Variants in TMTC1 observed in about 807,000 individuals in gnomAD.
TMTC1 encodes the protein transmembrane O-mannosyltransferase targeting cadherins 1, also known as protein O-mannosyl-transferase TMTC1.
In TMTC1, 73 loss-of-function variants were observed where a neutral mutation model predicts 104.8. The observed-to-expected ratio is 0.70, with a 90% confidence interval of 0.58 to 0.85. TMTC1 has a LOEUF of 0.85. Among genes scored for constraint, TMTC1 ranks in the 40% least tolerant of loss-of-function variants. The probability of loss-of-function intolerance (pLI) is 0.00; values close to 1 mark genes in which losing one functional copy is unlikely to be tolerated. For synonymous variants in TMTC1, 434 were observed against 428.7 expected, an observed-to-expected ratio of 1.01 and a Z score of -0.15; for missense variants, 1,035 against 1,096.1, an observed-to-expected ratio of 0.94 and a Z score of 0.79.
At chr12:29,628,219 C>T (rs866783219) in intron 6 of TMTC1, among the ~76,000 whole-genome samples, 3 of 152,082 alleles carry the variant, frequency 2.0e-5, no homozygotes, top group African/African-American at 7.2e-5. Flanking sequence ...TGAACAGAAG[C>T]GTGACCCTAA....
Position 29,751,658 on chromosome 12 carries a change from C to G in TMTC1, c.938+8G>C. The stretch of plus-strand genomic sequence containing the variant: ...AACATGCAGGGACCAAGAAACCCAG[C>G]CCAGTACCTCATCATGGACCACACA... On this transcript the variant is annotated splice_region_variant and intron_variant, in intron 5 of 17. Transcript: ENST00000539277. The G allele has an allele frequency of 6.2e-7, 1 of 1,614,042 alleles. No individual in the cohort carries two copies. The highest frequency in any genetic ancestry group is 8.5e-7 in the Non-Finnish European group (1 of 1,179,988).
At chr12:29,556,784 A>G (rs1212161248) in intron 10 of TMTC1, 73 bp downstream of exon 10, 5 of 1,589,804 alleles carry the variant, frequency 3.1e-6, no homozygotes, top group Non-Finnish European at 4.3e-6. Flanking sequence ...CAGCACAATC[A>G]AATGAGTGTT....
intron 8 of TMTC1, among the ~76,000 whole-genome samples, chr12:29,578,271 TTC>T (rs942073179): frequency 6.6e-5 from 10 of 152,106 alleles, no homozygotes; most frequent in Admixed American, 3.9e-4. Flanking sequence ...GACCTTTATG[TTC>T]TCTCTGTGAT....
intron 8 of TMTC1, 47 bp downstream of exon 8, chr12:29,583,360 C>T (rs1207282962): frequency 6.4e-7 from 1 of 1,560,244 alleles, no homozygotes; most frequent in Non-Finnish European, 8.7e-7. Context: ...AATTTGTAAG[C>T]AAAGAAATAA....
At chr12:29,679,889 C>T (rs1163837416) in intron 5 of TMTC1, among the ~76,000 whole-genome samples, 1 of 151,978 alleles carries the variant, frequency 6.6e-6, no homozygotes, top group African/African-American at 2.4e-5. Flanking sequence ...AAACATGAAA[C>T]AAATGATCCA....
intron 10 of TMTC1, among the ~76,000 whole-genome samples, chr12:29,540,659 A>C (rs1944769766): frequency 7.1e-6 from 1 of 140,968 alleles, no homozygotes; most frequent in African/African-American, 2.7e-5. Context: ...ACAGAGTAGA[A>C]ATTCAATAAT....
At position 29,604,241 on chromosome 12, in the gene TMTC1, G is replaced by C; in HGVS notation, c.1187C>G (p.Pro396Arg). 6.2e-7 allele frequency: 1 copy of C among 1,613,950 alleles called. No individual in the cohort carries two copies. The highest frequency in any genetic ancestry group is 8.5e-7 in the Non-Finnish European group (1 of 1,179,898). Residue 396 changes from proline to arginine, a missense_variant, in exon 7 of 18, where the codon CCA (proline) becomes CGA (arginine). Physicochemically the swap from Pro to Arg is moderately radical, Grantham distance 103. Transcript: ENST00000539277. ...GLLFLVFPFI[P>R]ASNLFFRVGF... Reference sequence around the variant, plus strand: ...CACCCTGAAGAAGAGGTTGCTGGCTGGAATGAACGGGAACACCAGGAACAA... The same window carrying C: ...CACCCTGAAGAAGAGGTTGCTGGCTCGAATGAACGGGAACACCAGGAACAA...
intron 6 of TMTC1, among the ~76,000 whole-genome samples, chr12:29,615,584 C>T (rs1240115134): frequency 6.6e-6 from 1 of 152,124 alleles, no homozygotes; most frequent in Non-Finnish European, 1.5e-5. Flanking sequence ...CTTGCCTCCC[C>T]AAACTGTAAC....
chr12:29,750,194 C>T (rs1049865864), intron 5 of TMTC1, among the ~76,000 whole-genome samples: 1 of 152,068 alleles, frequency 6.6e-6, no homozygotes, highest in African/African-American at 2.4e-5. Context: ...CTTGCCCTCA[C>T]CCCTTCTCCT....
At chr12:29,706,448 A>G (rs557459655) in intron 5 of TMTC1, among the ~76,000 whole-genome samples, 14 of 152,342 alleles carry the variant, frequency 9.2e-5, no homozygotes, top group African/African-American at 3.4e-4. Context: ...TTTGATCTAA[A>G]GTAATTAAAA....
chr12:29,597,947 G>A (rs1946457697), intron 7 of TMTC1, among the ~76,000 whole-genome samples: 1 of 152,152 alleles, frequency 6.6e-6, no homozygotes, highest in Admixed American at 6.5e-5. Context: ...TTAGCTTTAT[G>A]CAAAATTCAC....
intron 6 of TMTC1, among the ~76,000 whole-genome samples, chr12:29,604,939 C>T (rs997257837): frequency 6.6e-6 from 1 of 151,986 alleles, no homozygotes; most frequent in Non-Finnish European, 1.5e-5. Flanking sequence ...TGACAAAGAA[C>T]CTCCTCTGTT....
intron 10 of TMTC1, among the ~76,000 whole-genome samples, chr12:29,554,948 A>G (rs1355317188): frequency 6.6e-6 from 1 of 152,166 alleles, no homozygotes; most frequent in Non-Finnish European, 1.5e-5. Context: ...CTCTTATCCC[A>G]TATAGGACCA....
chr12:29,531,891 C>T (rs59915017), intron 11 of TMTC1, among the ~76,000 whole-genome samples: 18,617 of 152,026 alleles, frequency 0.12, 1,446 homozygotes, highest in African/African-American at 0.22. Context: ...TAACTATGGC[C>T]CATGATCACA....
chr12:29,707,284 C>T (rs1010762760), intron 5 of TMTC1, among the ~76,000 whole-genome samples: 3 of 152,160 alleles, frequency 2.0e-5, no homozygotes. Context: ...TAAATGTGAT[C>T]TAGCTAACAT....
chr12:29,603,614 A>G (rs948238111), intron 7 of TMTC1, among the ~76,000 whole-genome samples: 1 of 152,294 alleles, frequency 6.6e-6, no homozygotes, highest in South Asian at 2.1e-4. Context: ...GGAATAAGAC[A>G]AGAGAACAGA....
intron 5 of TMTC1, among the ~76,000 whole-genome samples, chr12:29,751,133 C>A (rs1943080379): frequency 6.6e-6 from 1 of 152,176 alleles, no homozygotes; most frequent in African/African-American, 2.4e-5. Context: ...ATTTAGGGAG[C>A]AACACCTGTG....
At chr12:29,543,761 G>T (rs907871167) in intron 10 of TMTC1, among the ~76,000 whole-genome samples, 1 of 152,118 alleles carries the variant, frequency 6.6e-6, no homozygotes, top group African/African-American at 2.4e-5. Flanking sequence ...AGAAAGAAAA[G>T]AAAATCAGAT....
At chr12:29,574,494 C>T (rs893309160) in intron 8 of TMTC1, among the ~76,000 whole-genome samples, 2 of 152,124 alleles carry the variant, frequency 1.3e-5, no homozygotes, top group Non-Finnish European at 2.9e-5. Flanking sequence ...AACACAAAAC[C>T]CATAGACTGG....
Sources: allele counts gnomAD v4.1 joint callset (sites outside exome capture counted in the v4.1 genomes callset), GRCh38; gene constraint gnomAD v4.1.1; transcripts MANE v1.5; gene names NCBI Gene and HGNC (gene_info 2026-07-23, HGNC 2026-07-21).